FRMD4A: variants seen among roughly 807,000 people sequenced by gnomAD.
FRMD4A encodes FERM domain containing 4A.
Under a neutral mutation model 129.1 loss-of-function variants are expected in FRMD4A, and 29 were observed. The ratio of observed to expected loss-of-function variants is 0.22; its 90% CI spans 0.17 to 0.31. The LOEUF is 0.31. FRMD4A is among the 10% of genes least tolerant of loss of function. The pLI is 1.00. For missense variants in FRMD4A, 1,272 were observed against 1,375.8 expected (o/e 0.92, Z 1.19); for synonymous variants, 634 against 571.6 (o/e 1.11, Z -1.56).
chr10:13,823,519 A>T (rs2093658591), intron 3 of FRMD4A, among the ~76,000 whole-genome samples: 1 of 152,370 alleles, frequency 6.6e-6, no homozygotes, highest in South Asian at 2.1e-4. Context: ...TATGGGGATG[A>T]TAAACGAAGC....
intron 6 of FRMD4A, among the ~76,000 whole-genome samples, chr10:13,764,942 T>C (rs2092226642): frequency 6.6e-6 from 1 of 152,134 alleles, no homozygotes; most frequent in Non-Finnish European, 1.5e-5. Context: ...CCCTACTACT[T>C]GTCCAGTGTG....
intron 2 of FRMD4A, among the ~76,000 whole-genome samples, chr10:14,129,371 C>CACATAT (rs1491548749): frequency 2.2e-5 from 1 of 46,204 alleles, no homozygotes. Flanking sequence ...AATTATGATT[C>CACATAT]ATATATATAT....
At chr10:14,242,315 G>A (rs1844077151) in intron 2 of FRMD4A, among the ~76,000 whole-genome samples, 1 of 152,152 alleles carries the variant, frequency 6.6e-6, no homozygotes. Flanking sequence ...GATCTATCTA[G>A]TACACCTAAA....
intron 2 of FRMD4A, among the ~76,000 whole-genome samples, chr10:14,176,962 G>A (rs1159563767): frequency 6.6e-6 from 1 of 152,180 alleles, no homozygotes; most frequent in Non-Finnish European, 1.5e-5. Flanking sequence ...TCACTGTTGA[G>A]ACATCGCCCA....
At chr10:13,925,566 C>CTT (rs66980805) in intron 2 of FRMD4A, among the ~76,000 whole-genome samples, 1,052 of 61,874 alleles carry the variant, frequency 0.017, 241 homozygotes, top group Non-Finnish European at 0.022. Flanking sequence ...TAGTGAAACG[C>CTT]TTTTTTTTTT....
chr10:13,856,941 A>T (rs2094221990), intron 3 of FRMD4A, among the ~76,000 whole-genome samples: 1 of 152,174 alleles, frequency 6.6e-6, no homozygotes, highest in South Asian at 2.1e-4. Context: ...CCACTCGCCT[A>T]TAAACTCTTC....
intron 2 of FRMD4A, among the ~76,000 whole-genome samples, chr10:13,899,467 C>A (rs2094795096): frequency 6.6e-6 from 1 of 152,154 alleles, no homozygotes; most frequent in Non-Finnish European, 1.5e-5. Context: ...ACTGTTCTGT[C>A]CCTTTTCTAC....
intron 2 of FRMD4A, among the ~76,000 whole-genome samples, chr10:13,886,740 C>A (rs1008826476): frequency 2.0e-5 from 3 of 152,176 alleles, no homozygotes; most frequent in Admixed American, 6.5e-5. Flanking sequence ...CGCCACCATG[C>A]TTGGCTGGTT....
intron 2 of FRMD4A, among the ~76,000 whole-genome samples, chr10:13,944,393 G>A (rs979319683): frequency 6.6e-6 from 1 of 151,966 alleles, no homozygotes; most frequent in African/African-American, 2.4e-5. Context: ...CCTCAGGTGG[G>A]ACCATCTAGT....
At chr10:13,834,533 A>G (rs55870833) in intron 3 of FRMD4A, among the ~76,000 whole-genome samples, 28,134 of 152,168 alleles carry the variant, frequency 0.18, 2,930 homozygotes, top group South Asian at 0.33. Flanking sequence ...CTAAGTATTA[A>G]TCTCTGAATA....
At chr10:13,971,787 G>T in intron 2 of FRMD4A, 1 of 1,304,264 alleles carries the variant, frequency 7.7e-7, no homozygotes, top group African/African-American at 1.5e-5. Flanking sequence ...GAGCCAAGCA[G>T]CCCAGCAGCC....
intron 2 of FRMD4A, among the ~76,000 whole-genome samples, chr10:14,032,254 C>T (rs572255006): frequency 6.6e-6 from 1 of 152,316 alleles, no homozygotes; most frequent in East Asian, 1.9e-4. Context: ...CAGCAAATAA[C>T]ATATATTACA....
rs35809656 is a variant in FRMD4A, at chr10:14,328,369, T to TGG, written c.45+1687_45+1688dup. Among the ~76,000 whole-genome samples, 233 of 90,784 alleles carry TGG rather than the reference T, an allele frequency of 2.6e-3. 1 individual carries two copies. Among genetic ancestry groups the TGG allele is most frequent in the South Asian group, 9.5e-3 (26 of 2,736 alleles). 59.6% of individuals were successfully genotyped at this position (90,784 alleles called of 152,430 possible). A position where few individuals can be genotyped will look rare whatever the true frequency, so the allele number is the denominator to read the frequency against. On this transcript the variant is annotated intron_variant, in intron 2 of 24. Transcript: ENST00000357447. ...AGAAGAGCCTGTGTGTGTGTGTGGG[T>TGG]GGGGGGGGGGGGTGTATAACAGCAG...
At chr10:13,820,876 CAG>C (rs2093619907) in intron 3 of FRMD4A, among the ~76,000 whole-genome samples, 1 of 152,222 alleles carries the variant, frequency 6.6e-6, no homozygotes, top group South Asian at 2.1e-4. Context: ...GGATGGCAGA[CAG>C]GGGCTGTCTG....
intron 2 of FRMD4A, among the ~76,000 whole-genome samples, chr10:14,221,604 G>T (rs1264187917): frequency 5.9e-5 from 9 of 152,128 alleles, no homozygotes; most frequent in Non-Finnish European, 1.2e-4. Context: ...CTGTTGCCCA[G>T]GCTGGAGTAC....
chr10:14,118,379 T>C (rs146128528), intron 2 of FRMD4A, among the ~76,000 whole-genome samples: 68 of 152,328 alleles, frequency 4.5e-4, no homozygotes, highest in African/African-American at 1.6e-3. Context: ...AGAAATTTGA[T>C]GGAAGGAACT....
At chr10:13,669,293 C>T (rs948590861) in intron 17 of FRMD4A, among the ~76,000 whole-genome samples, 16 of 152,268 alleles carry the variant, frequency 1.1e-4, no homozygotes, top group Middle Eastern at 3.4e-3. Flanking sequence ...AACTCCTGAC[C>T]TCAAGTGATC....
chr10:13,896,329 C>T (rs2094757904), intron 2 of FRMD4A, among the ~76,000 whole-genome samples: 2 of 152,158 alleles, frequency 1.3e-5, no homozygotes, highest in Non-Finnish European at 2.9e-5. Context: ...CCATGGAATA[C>T]TATGCAGCTG....
At chr10:13,709,715 G>T (rs2087822022) in intron 12 of FRMD4A, among the ~76,000 whole-genome samples, 3 of 152,208 alleles carry the variant, frequency 2.0e-5, no homozygotes, top group Non-Finnish European at 4.4e-5. Flanking sequence ...CAGGCAAAGT[G>T]AAGTCTTGAA....
Sources: gnomAD v4.1 joint callset for allele counts (sites outside exome capture counted in the v4.1 genomes callset) on GRCh38, gnomAD v4.1.1 for gene constraint, MANE v1.5 for transcripts, NCBI Gene and HGNC (gene_info 2026-07-23, HGNC 2026-07-21) for gene names.